The following OR10K2 variants were observed in gnomAD, a reference collection of about 807,000 sequenced individuals.
The protein encoded by OR10K2 is olfactory receptor family 10 subfamily K member 2.
For missense variants in OR10K2, 401 were observed against 367.1 expected (o/e 1.09, Z -0.76); for synonymous variants, 169 against 146.4 (o/e 1.15, Z -1.11).
Position 158,420,681 on chromosome 1 carries a change from G to C in OR10K2, c.186C>G (p.Phe62Leu). Residue 62 changes from phenylalanine to leucine, a missense_variant, in exon 2 of 2, where the codon TTC (phenylalanine) becomes TTG (leucine). Transcript: ENST00000641042. Reference sequence around the variant, plus strand: ...TCTCAGAGCAAGAGAGGATGGCAAGGAAGAAGTACATGGGGATATGAAGGG... The same window carrying C: ...TCTCAGAGCAAGAGAGGATGGCAAGCAAGAAGTACATGGGGATATGAAGGG... ...DRALHIPMYF[F>L]LAILSCSEIC... 3 of 1,613,912 alleles carry C rather than the reference G, an allele frequency of 1.9e-6. No individual in the cohort carries two copies. Among genetic ancestry groups the C allele is most frequent in the Non-Finnish European group, 2.5e-6 (3 of 1,179,900 alleles).
chr1:158,422,270 A>G (rs1474015888), intron 1 of OR10K2, among the ~76,000 whole-genome samples: 4 of 152,124 alleles, frequency 2.6e-5, no homozygotes, highest in Non-Finnish European at 5.9e-5. Flanking sequence ...AAGAGAGTTA[A>G]CTTGCCACAT....
chr1:158,422,264 G>T (rs1056070843), intron 1 of OR10K2, among the ~76,000 whole-genome samples: 1 of 152,026 alleles, frequency 6.6e-6, no homozygotes, highest in Non-Finnish European at 1.5e-5. Context: ...ATAAATAAGA[G>T]AGTTAACTTG....
At chr1:158,425,543 A>C (rs1655235961) in intron 1 of OR10K2, among the ~76,000 whole-genome samples, 1 of 152,026 alleles carries the variant, frequency 6.6e-6, no homozygotes, top group African/African-American at 2.4e-5. Flanking sequence ...CCCAGAGGGC[A>C]GGGTTTCTTA....
intron 1 of OR10K2, among the ~76,000 whole-genome samples, chr1:158,422,481 C>A (rs1013814428): frequency 2.6e-5 from 4 of 152,062 alleles, no homozygotes; most frequent in Non-Finnish European, 4.4e-5. Context: ...CTGAAGAGAG[C>A]ATCTGGTCAT....
In OR10K2 at chr1:158,420,377, A is replaced by G. The variant is rs1655127052; in HGVS notation, c.490T>C (p.Phe164Leu). ...TVAQIITSLV[F>L]HLPFYSSNQL... The stretch of plus-strand genomic sequence containing the variant: ...TTGGAGGAATAAAAAGGCAGGTGAA[A>G]TACCAAGGATGTGATGATCTGTGCA... Residue 164 changes from phenylalanine to leucine, a missense_variant, in exon 2 of 2, where the codon TTT (phenylalanine) becomes CTT (leucine). Coordinates refer to ENST00000641042, the MANE Select transcript of OR10K2 (RefSeq NM_001004476.2). 1 of 1,613,900 alleles carries G rather than the reference A, an allele frequency of 6.2e-7. No individual in the cohort carries two copies. The highest frequency in any genetic ancestry group is 8.5e-7 in the Non-Finnish European group (1 of 1,179,918).
chr1:158,423,794 G>C (rs868251666), intron 1 of OR10K2, among the ~76,000 whole-genome samples: 2 of 151,880 alleles, frequency 1.3e-5, no homozygotes, highest in Admixed American at 6.6e-5. Context: ...GGTTTTCCAC[G>C]GAGTTCTGTT....
At position 158,420,255 on chromosome 1, in the gene OR10K2, T is replaced by A. The variant is rs753174506; in HGVS notation, c.612A>T (p.Thr204=). ...ACAATAAGGGGATAGCCAGGACCAA[T>A]GTACAGAGCATGAAGATGACAATCT... ...FSQIVIFMLC[T]LVLAIPLLLI... Residue 204 remains threonine (T), a synonymous_variant, in exon 2 of 2, where the codon ACA becomes ACT. Coordinates refer to ENST00000641042, the MANE Select transcript of OR10K2 (RefSeq NM_001004476.2). The A allele has an allele frequency of 1.2e-6, 2 of 1,613,720 alleles. No individual in the cohort carries two copies. Among genetic ancestry groups the A allele is most frequent in the South Asian group, 2.2e-5 (2 of 91,068 alleles).
At position 158,420,106 on chromosome 1, in the gene OR10K2, C is replaced by A. The variant is rs1655116995; in HGVS notation, c.761G>T (p.Cys254Phe). 1 of 1,613,538 alleles carries A rather than the reference C, an allele frequency of 6.2e-7. No individual in the cohort carries two copies. The highest frequency in any genetic ancestry group is 1.1e-5 in the South Asian group (1 of 91,070). ...HLIIVTVHYGCASFIYLRPQS... is the reference protein window; with the variant it reads ...HLIIVTVHYGFASFIYLRPQS... ...AGGCCTTAAGTAGATAAAGGAGGCA[C>A]AGCCATAGTGGACAGTGACAATAAT... The change falls in exon 2 of 2, where the codon TGT becomes TTT. Residue 254 changes from cysteine to phenylalanine, a missense_variant. By Grantham distance (205) the Cys-to-Phe change is radical. Transcript: ENST00000641042.
chr1:158,423,564 T>C (rs1405269023), intron 1 of OR10K2, among the ~76,000 whole-genome samples: 2 of 151,938 alleles, frequency 1.3e-5, no homozygotes, highest in Non-Finnish European at 2.9e-5. Context: ...TGAAAGAGAT[T>C]TGTCCCATAA....
rs1445446173 is a variant in OR10K2, at chr1:158,420,293, T to A, written c.574A>T (p.Asn192Tyr). The A allele has an allele frequency of 6.8e-6, 11 of 1,613,712 alleles. No homozygotes were observed. Among genetic ancestry groups the A allele is most frequent in the Non-Finnish European group, 9.3e-6 (11 of 1,179,868 alleles). Reference protein sequence around the residue: ...APVLKLASHHNHFSQIVIFML... With the variant: ...APVLKLASHHYHFSQIVIFML... ...AAGATGACAATCTGACTAAAGTGGTTATGGTGAGATGCCAGCTTGAGGACA... is the reference window on the plus strand; with the variant it reads ...AAGATGACAATCTGACTAAAGTGGTAATGGTGAGATGCCAGCTTGAGGACA... The change falls in exon 2 of 2, where the codon AAC becomes TAC. Residue 192 changes from asparagine (N) to tyrosine (Y), a missense_variant. Transcript: ENST00000641042.
rs199920959 is a variant in OR10K2 at position 158,419,198 on chromosome 1, G to C, written c.*730C>G. ...AACAAGTATCTCATTTAACAATTGT[G>C]ATCTGATGATTTTGGAAGACTGAGG... On this transcript the variant is annotated 3_prime_UTR_variant, in exon 2 of 2. Coordinates refer to ENST00000641042, the MANE Select transcript of OR10K2 (RefSeq NM_001004476.2). 3.9e-5 allele frequency: 6 copies of C among 154,686 alleles called. No individual in the cohort carries two copies. The South Asian group carries it at 1.2e-3, about 31-fold the overall frequency. The allele number at this position is 154,686 out of a possible 1,614,324, so 9.6% of individuals were successfully genotyped here. A position where few individuals can be genotyped will look rare whatever the true frequency, so the allele number is the denominator to read the frequency against.
At position 158,419,798 on chromosome 1, in the gene OR10K2, G is replaced by C; in HGVS notation, c.*130C>G. The C allele has an allele frequency of 1.5e-6, 1 of 685,554 alleles. No homozygotes were observed. Among genetic ancestry groups the C allele is most frequent in the Non-Finnish European group, 2.5e-6 (1 of 403,466 alleles). The allele number at this position is 685,554 out of a possible 1,614,324, so 42.5% of individuals were successfully genotyped here. On this transcript the variant is annotated 3_prime_UTR_variant, in exon 2 of 2. Transcript: ENST00000641042. ...GTTAATTTGTATATTTTTTGGTAGA[G>C]ATAGGATTTCACTATGTTGGCCAGG...
At chr1:158,424,946 C>T (rs1001315954) in intron 1 of OR10K2, among the ~76,000 whole-genome samples, 1 of 152,142 alleles carries the variant, frequency 6.6e-6, no homozygotes, top group African/African-American at 2.4e-5. Flanking sequence ...TGTCAGCTAA[C>T]CTAACTTTTA....
At chr1:158,424,440 T>C (rs17628151) in intron 1 of OR10K2, among the ~76,000 whole-genome samples, 56,220 of 151,776 alleles carry the variant, frequency 0.37, 11,519 homozygotes, top group Non-Finnish European at 0.46. Flanking sequence ...ATATTGCTTT[T>C]GATGTTTCCA....
chr1:158,419,334 TG>T lies in OR10K2; in HGVS notation c.*593del, dbSNP rs1465604825. On this transcript the variant is annotated 3_prime_UTR_variant, in exon 2 of 2. Coordinates refer to ENST00000641042, the MANE Select transcript of OR10K2 (RefSeq NM_001004476.2). The stretch of plus-strand genomic sequence containing the variant: ...GGTTAGTTTTCAGCCTGGCTGAGAT[TG>T]GGTGACAGTATTTACTACAGCCTAA... 1 of 154,822 alleles carries T rather than the reference TG, an allele frequency of 6.5e-6. No homozygotes were observed. The highest frequency in any genetic ancestry group is 2.4e-5 in the African/African-American group (1 of 41,500). The allele number at this position is 154,822 out of a possible 1,614,324, so 9.6% of individuals were successfully genotyped here.
At position 158,420,530 on chromosome 1, in the gene OR10K2, A is replaced by G; in HGVS notation, c.337T>C (p.Phe113Leu). 6.2e-7 allele frequency: 1 copy of G among 1,613,902 alleles called. No individual in the cohort carries two copies. The highest frequency in any genetic ancestry group is 8.5e-7 in the Non-Finnish European group (1 of 1,179,902). The change falls in exon 2 of 2, where the codon TTT (phenylalanine) becomes CTT (leucine). Residue 113 changes from phenylalanine (F) to leucine (L), a missense_variant. Phe to Leu is a conservative substitution (Grantham distance 22). Coordinates refer to ENST00000641042, the MANE Select transcript of OR10K2 (RefSeq NM_001004476.2). ...TCATAACCCATGACTGCCAGCAGAA[A>G]GGAGTGAGAGCAGCCAAGGAAGAGG... ...SFLFLGCSHSFLLAVMGYDRY... is the reference protein window; with the variant it reads ...SFLFLGCSHSLLLAVMGYDRY...
intron 1 of OR10K2, among the ~76,000 whole-genome samples, chr1:158,422,737 A>T (rs1215689433): frequency 2.0e-5 from 3 of 152,116 alleles, no homozygotes; most frequent in African/African-American, 7.2e-5. Flanking sequence ...AAGCAGTGTG[A>T]TTATAACAAT....
rs1203922336 is a variant in OR10K2, at chr1:158,419,040, C to T, written c.*888G>A. ...ATGCTGACCAAATTTAGATGTATGCCTCTGCATACAAAATTAGAAATGATC... is the reference window on the plus strand; with the variant it reads ...ATGCTGACCAAATTTAGATGTATGCTTCTGCATACAAAATTAGAAATGATC... On this transcript the variant is annotated 3_prime_UTR_variant, in exon 2 of 2. Coordinates refer to ENST00000641042, the MANE Select transcript of OR10K2 (RefSeq NM_001004476.2). 1.3e-5 allele frequency: 2 copies of T among 152,396 alleles called. No individual in the cohort carries two copies. Among genetic ancestry groups the T allele is most frequent in the African/African-American group, 4.8e-5 (2 of 41,430 alleles). The allele number at this position is 152,396 out of a possible 1,614,324, so 9.4% of individuals were successfully genotyped here. A position where few individuals can be genotyped will look rare whatever the true frequency, so the allele number is the denominator to read the frequency against.
intron 1 of OR10K2, among the ~76,000 whole-genome samples, chr1:158,424,707 G>T (rs1655217639): frequency 6.8e-6 from 1 of 146,708 alleles, no homozygotes; most frequent in African/African-American, 2.6e-5. Context: ...TCACACAGCT[G>T]GTGGAACCAA....
Sources: allele counts gnomAD v4.1 joint callset (sites outside exome capture counted in the v4.1 genomes callset), GRCh38; gene constraint gnomAD v4.1.1; transcripts MANE v1.5; gene names NCBI Gene and HGNC (gene_info 2026-07-23, HGNC 2026-07-21).